Variants in FREM2 observed in about 807,000 individuals in gnomAD.
FREM2 encodes the protein FRAS1-related extracellular matrix protein 2.
FREM2 carries 119 observed loss-of-function variants against 219.9 expected under a neutral mutation model. The ratio of observed to expected loss-of-function variants is 0.54; its 90% confidence interval spans 0.47 to 0.63. The LOEUF is 0.63. Among genes scored for constraint, FREM2 ranks in the 30% least tolerant of loss-of-function variants. The pLI, the probability that FREM2 is intolerant of heterozygous loss-of-function variation, is 0.00. For synonymous variants in FREM2, 1,562 were observed against 1,522.8 expected (o/e 1.03, Z -0.60); for missense variants, 4,030 against 3,993.6 (o/e 1.01, Z -0.25).
chr13:38,878,286 G>A lies in FREM2; in HGVS notation c.8824G>A (p.Asp2942Asn), dbSNP rs750639083. The A allele has an allele frequency of 9.3e-6, 15 of 1,613,352 alleles. No individual in the cohort carries two copies. The highest frequency in any genetic ancestry group is 2.2e-5 in the East Asian group (1 of 44,836). Residue 2942 changes from aspartate to asparagine, a missense_variant, in exon 22 of 24, where the codon GAC becomes AAC. Transcript: ENST00000280481. ...PMNAEYGCLA[D>N]SPSLLYRFKI... is the part of the protein sequence containing the mutation. ...GAATGCAGAATATGGCTGCTTAGCC[G>A]ACTCTCCTTCACTCTTATATAGATT...
intron 6 of FREM2, among the ~76,000 whole-genome samples, chr13:38,817,612 A>C (rs1374868320): frequency 1.3e-5 from 2 of 152,106 alleles, no homozygotes; most frequent in Non-Finnish European, 2.9e-5. Context: ...TAACAGAAGA[A>C]AACATAGGAG....
At chr13:38,817,511 C>T (rs996595215) in intron 6 of FREM2, among the ~76,000 whole-genome samples, 5 of 152,098 alleles carry the variant, frequency 3.3e-5, no homozygotes, top group South Asian at 2.1e-4. Flanking sequence ...AGTTTATCTA[C>T]GTGCAGAAGA....
chr13:38,836,018 G>T (rs189465189), intron 6 of FREM2, among the ~76,000 whole-genome samples: 1 of 152,270 alleles, frequency 6.6e-6, no homozygotes, highest in Admixed American at 6.5e-5. Context: ...CTTGTCTTGT[G>T]CTGGTTTTCA....
At chr13:38,697,642 T>C in intron 1 of FREM2, 56 bp from the exon 2 acceptor site, 1 of 1,003,370 alleles carries the variant, frequency 1.0e-6, no homozygotes. Context: ...TTTACCATAA[T>C]GAATCATCAA....
Position 38,764,306 on chromosome 13 carries a change from G to A in FREM2, c.5266G>A (p.Gly1756Arg). Reference sequence around the variant, plus strand: ...GGCTTTAAATTTTTATTTTCAAGGTGGAAACAAGTTAACGTACCAGAATTT... The same window carrying A: ...GGCTTTAAATTTTTATTTTCAAGGTAGAAACAAGTTAACGTACCAGAATTT... Reference protein sequence around the residue: ...MFYFAVEDGGGNKLTYQNFRL... With the variant: ...MFYFAVEDGGRNKLTYQNFRL... The change falls in exon 3 of 24, where the codon GGA (glycine) becomes AGA (arginine). Residue 1756 changes from glycine (G) to arginine (R), a missense_variant and splice_region_variant. Coordinates refer to ENST00000280481, the MANE Select transcript of FREM2 (RefSeq NM_207361.6). The A allele has an allele frequency of 4.3e-6, 7 of 1,609,912 alleles. No individual in the cohort carries two copies. The highest frequency in any genetic ancestry group is 5.9e-6 in the Non-Finnish European group (7 of 1,176,546).
At position 38,807,188 on chromosome 13, in the gene FREM2, GTTAT is replaced by G. The variant is rs1485899459; in HGVS notation, c.6019+22381_6019+22384del. Among the ~76,000 whole-genome samples the G allele has an allele frequency of 3.4e-3, 226 of 66,410 alleles. 22 individuals are homozygous for G. Among genetic ancestry groups the G allele is most frequent in the African/African-American group, 5.2e-3 (119 of 22,900 alleles). The allele number at this position is 66,410 out of a possible 152,430, so 43.6% of individuals were successfully genotyped here. ...ACCTTTTTGCAGAGATCTTGTCTCT[GTTAT>G]ATATATATATATATATATATATATA... On this transcript the variant is annotated intron_variant, in intron 6 of 23. Transcript: ENST00000280481.
rs185373780 is a variant in FREM2 at position 38,777,853 on chromosome 13, G to A, written c.5642-5217G>A. On this transcript the variant is annotated intron_variant, in intron 4 of 23. Coordinates refer to ENST00000280481, the MANE Select transcript of FREM2 (RefSeq NM_207361.6). ...CCTACATATTTCTGTTAGAAGTTAG[G>A]TCAACAGAAGACCTAAACTTGATAC... Among the ~76,000 whole-genome samples the A allele has an allele frequency of 4.1e-3, 630 of 152,258 alleles. 3 individuals carry two copies. Among genetic ancestry groups the A allele is most frequent in the Non-Finnish European group, 6.0e-3 (406 of 68,024 alleles).
At chr13:38,768,826 T>C (rs2137814008) in intron 3 of FREM2, among the ~76,000 whole-genome samples, 1 of 152,306 alleles carries the variant, frequency 6.6e-6, no homozygotes, top group South Asian at 2.1e-4. Context: ...ATGGAGATCA[T>C]CTTGCGATGT....
At position 38,861,459 on chromosome 13, in the gene FREM2, T is replaced by G. The variant is rs757624119; in HGVS notation, c.7548T>G (p.Val2516=). 2.1e-5 allele frequency: 34 copies of G among 1,606,950 alleles called. No homozygotes were observed. The highest frequency in any genetic ancestry group is 2.8e-5 in the Non-Finnish European group (33 of 1,175,258). The change falls in exon 15 of 24, where the codon GTT becomes GTG. Residue 2516 remains valine, a synonymous_variant. Coordinates refer to ENST00000280481, the MANE Select transcript of FREM2 (RefSeq NM_207361.6). ...TTTGTCAGCCCCGTGTACCTGGGGTTGTTGGAGCAGAGCCGTTCTCAGCTA... is the reference window on the plus strand; with the variant it reads ...TTTGTCAGCCCCGTGTACCTGGGGTGGTTGGAGCAGAGCCGTTCTCAGCTA... ...EGLCQPRVPG[V]VGAEPFSAKL...
intron 2 of FREM2, among the ~76,000 whole-genome samples, chr13:38,744,203 C>CTTT (rs11308232): frequency 1.4e-3 from 74 of 51,740 alleles, no homozygotes; most frequent in East Asian, 2.5e-3. Flanking sequence ...GAGGTAAATC[C>CTTT]TTTTTTTTTT....
intron 2 of FREM2, among the ~76,000 whole-genome samples, chr13:38,762,621 T>G (rs2137807351): frequency 6.6e-6 from 1 of 152,186 alleles, no homozygotes; most frequent in African/African-American, 2.4e-5. Flanking sequence ...GCATTTTTAG[T>G]AGAGACGGGG....
intron 2 of FREM2, among the ~76,000 whole-genome samples, chr13:38,736,329 T>C (rs1871992133): frequency 6.6e-6 from 1 of 152,192 alleles, no homozygotes; most frequent in Non-Finnish European, 1.5e-5. Context: ...GACTGGTAAT[T>C]GTGGCTGAGA....
In FREM2 at chr13:38,732,037, G is replaced by A. The variant is rs538871183; in HGVS notation, c.5264-32267G>A. ...ATATCCATACCACCAGTTACTTTGT[G>A]TTCAGTTAAATTGGTAACTTGCAAG... On this transcript the variant is annotated intron_variant, in intron 2 of 23. Transcript: ENST00000280481. Among the ~76,000 whole-genome samples the A allele has an allele frequency of 3.3e-5, 5 of 152,286 alleles. No homozygotes were observed. In the South Asian group the frequency reaches 6.2e-4, roughly 19 times the overall value.
chr13:38,859,066 C>T (rs2137919937), intron 13 of FREM2, among the ~76,000 whole-genome samples: 1 of 152,122 alleles, frequency 6.6e-6, no homozygotes, highest in East Asian at 1.9e-4. Flanking sequence ...AACAATTTTA[C>T]ACATATTAAG....
At chr13:38,701,375 A>G (rs1324178651) in intron 2 of FREM2, among the ~76,000 whole-genome samples, 1 of 152,026 alleles carries the variant, frequency 6.6e-6, no homozygotes, top group Non-Finnish European at 1.5e-5. Flanking sequence ...GCTGTCTTCC[A>G]TTTCTTTTGG....
In FREM2 at chr13:38,800,940, T is replaced by G. The variant is rs1367312323; in HGVS notation, c.6019+16132T>G. 2.0e-5 allele frequency among the ~76,000 whole-genome samples: 3 copies of G among 152,200 alleles called. No individual in the cohort carries two copies. The East Asian group carries it at 5.8e-4, about 29-fold the overall frequency. On this transcript the variant is annotated intron_variant, in intron 6 of 23. Coordinates refer to ENST00000280481, the MANE Select transcript of FREM2 (RefSeq NM_207361.6). ...CCACCACACCCAGCAATTAAGTTGG[T>G]TTTTTAACCCTTTCATTCTCTCTTT...
In FREM2 at chr13:38,850,055, A is replaced by C; in HGVS notation, c.6397A>C (p.Lys2133Gln). The C allele has an allele frequency of 6.2e-7, 1 of 1,613,924 alleles. No individual in the cohort carries two copies. The highest frequency in any genetic ancestry group is 8.5e-7 in the Non-Finnish European group (1 of 1,179,834). ...SVSDLPKMQF[K>Q]ERIYTGSESD... ...TTTTGCAGTGCCTAAGATGCAATTC[A>C]AAGAACGAATATATACTGGCAGCGA... The change falls in exon 9 of 24, where the codon AAA (lysine) becomes CAA (glutamine). Residue 2133 changes from lysine to glutamine, a missense_variant. Transcript: ENST00000280481.
At chr13:38,842,035 T>A (rs6563641) in intron 6 of FREM2, among the ~76,000 whole-genome samples, 39,703 of 151,934 alleles carry the variant, frequency 0.26, 6,933 homozygotes, top group African/African-American at 0.49. Context: ...CTGGAAGATG[T>A]GCAGAGCAGA....
chr13:38,789,505 T>C (rs1375913983), intron 6 of FREM2, among the ~76,000 whole-genome samples: 1 of 151,554 alleles, frequency 6.6e-6, no homozygotes, highest in East Asian at 1.9e-4. Flanking sequence ...CAGAAGTTTG[T>C]ATATTTTATT....
Sources: allele counts gnomAD v4.1 joint callset (sites outside exome capture counted in the v4.1 genomes callset), GRCh38; gene constraint gnomAD v4.1.1; transcripts MANE v1.5; gene names NCBI Gene and HGNC (gene_info 2026-07-23, HGNC 2026-07-21).